PRKX: variants seen among roughly 807,000 people sequenced by gnomAD.
The protein encoded by PRKX is cAMP-dependent protein kinase catalytic subunit PRKX.
Under a neutral mutation model 22.0 loss-of-function variants are expected in PRKX, and 12 were observed. The observed-to-expected ratio is 0.54, with a 90% CI of 0.35 to 0.88. The LOEUF (loss-of-function observed/expected upper bound fraction) is 0.88. Among genes scored for constraint, PRKX ranks in the 40% least tolerant of loss-of-function variants. The pLI is 0.01. For missense variants in PRKX, 217 were observed against 308.0 expected (o/e 0.70, Z 2.21); for synonymous variants, 134 against 137.7 (o/e 0.97, Z 0.19).
chrX:3,659,869 C>G (rs1344898758), intron 2 of PRKX, among the ~76,000 whole-genome samples: 1 of 109,891 alleles, frequency 9.1e-6, no homozygotes, highest in African/African-American at 3.3e-5. Context: ...GGATTACAGG[C>G]GCATGCCACC....
chrX:3,692,240 C>T (rs1256005809), intron 1 of PRKX, among the ~76,000 whole-genome samples: 2 of 109,869 alleles, frequency 1.8e-5, no homozygotes, highest in East Asian at 5.8e-4. Context: ...TAGGGCCATC[C>T]TGTGCACTGC....
At chrX:3,662,326 C>A (rs1927612809) in intron 2 of PRKX, among the ~76,000 whole-genome samples, 1 of 111,014 alleles carries the variant, frequency 9.0e-6, no homozygotes, top group Non-Finnish European at 1.9e-5. Flanking sequence ...TTTGCGGGGC[C>A]AAGGTGGCAG....
intron 1 of PRKX, among the ~76,000 whole-genome samples, chrX:3,696,403 T>G (rs1928443393): frequency 8.9e-6 from 1 of 111,887 alleles, no homozygotes; most frequent in Non-Finnish European, 1.9e-5. Flanking sequence ...ACACCTAACT[T>G]ACGAACATCA....
At chrX:3,637,262 G>T (rs983056636) in intron 4 of PRKX, among the ~76,000 whole-genome samples, 1 of 111,614 alleles carries the variant, frequency 9.0e-6, no homozygotes, top group South Asian at 3.8e-4. Context: ...TTGTCTAAGA[G>T]GGGTGGACAA....
At chrX:3,656,523 T>C (rs17331160) in intron 2 of PRKX, among the ~76,000 whole-genome samples, 31,540 of 110,435 alleles carry the variant, frequency 0.29, 3,969 homozygotes, top group East Asian at 0.6. Flanking sequence ...TAGGTGTAGA[T>C]AGATGCTAAT....
chrX:3,634,529 G>A (rs1926848564), intron 4 of PRKX, among the ~76,000 whole-genome samples: 1 of 110,808 alleles, frequency 9.0e-6, no homozygotes, highest in South Asian at 3.9e-4. Flanking sequence ...TCTGACTCCA[G>A]TTCAGAATAG....
rs755556312 is a variant in PRKX at position 3,713,547 on chromosome X, G to T, written c.-294C>A. ...GAAGGCGGGGGCCGCGGCCCGGGCT[G>T]GGGGGGGCGAGGCGGGGGCCCTGCG... is the stretch of plus-strand genomic sequence containing the variant. On this transcript the variant is annotated 5_prime_UTR_variant, in exon 1 of 9. Coordinates refer to ENST00000262848, the MANE Select transcript of PRKX (RefSeq NM_005044.5). 6 of 190,144 alleles carry T rather than the reference G, an allele frequency of 3.2e-5. No homozygotes were observed. Among genetic ancestry groups the T allele is most frequent in the East Asian group, 9.2e-5 (1 of 10,819 alleles). The allele number at this position is 190,144 out of a possible 1,213,427, so 15.7% of individuals were successfully genotyped here.
rs752597064 is a variant in PRKX, at chrX:3,713,212, G to C, written c.42C>G (p.Ser14Arg). 9.9e-5 allele frequency: 106 copies of C among 1,073,285 alleles called. No individual in the cohort carries two copies. The highest frequency in any genetic ancestry group is 1.2e-4 in the Non-Finnish European group (101 of 838,610). 88.5% of individuals were successfully genotyped at this position (1,073,285 alleles called of 1,213,427 possible). ...PGLAQAAAAESDSRKVAEETP... is the reference protein window; with the variant it reads ...PGLAQAAAAERDSRKVAEETP... ...TCTCCTCCGCCACCTTGCGGGAGTCGCTCTCCGCCGCGGCCGCCTGGGCCA... is the reference window on the plus strand; with the variant it reads ...TCTCCTCCGCCACCTTGCGGGAGTCCCTCTCCGCCGCGGCCGCCTGGGCCA... Residue 14 changes from serine to arginine, a missense_variant, in exon 1 of 9, where the codon AGC becomes AGG. Coordinates refer to ENST00000262848, the MANE Select transcript of PRKX (RefSeq NM_005044.5).
intron 2 of PRKX, among the ~76,000 whole-genome samples, chrX:3,666,911 TAAAAAAAAAA>T (rs35951668): frequency 1.1e-4 from 7 of 65,784 alleles, no homozygotes; most frequent in East Asian, 4.4e-4. Flanking sequence ...TCATTTCTTT[TAAAAAAAAAA>T]AAAAAAAAAA....
chrX:3,711,918 G>A (rs1457316145), intron 1 of PRKX, among the ~76,000 whole-genome samples: 1 of 110,966 alleles, frequency 9.0e-6, no homozygotes, highest in Non-Finnish European at 1.9e-5. Flanking sequence ...AGGAGGGAGG[G>A]AGAGGAGAAA....
chrX:3,700,983 C>G, intron 1 of PRKX, among the ~76,000 whole-genome samples: 1 of 112,224 alleles, frequency 8.9e-6, no homozygotes, highest in Non-Finnish European at 1.9e-5. Flanking sequence ...TAAAGAAAAG[C>G]TTTAATAAAC....
chrX:3,710,804 T>G (rs1473948936), intron 1 of PRKX, among the ~76,000 whole-genome samples: 1 of 111,696 alleles, frequency 9.0e-6, no homozygotes, highest in African/African-American at 3.3e-5. Context: ...GAATTCGGAA[T>G]GAGGGCGAAA....
At chrX:3,660,670 C>G (rs370897271) in intron 2 of PRKX, among the ~76,000 whole-genome samples, 8 of 111,627 alleles carry the variant, frequency 7.2e-5, no homozygotes, top group African/African-American at 2.6e-4. Flanking sequence ...GATAATTAAC[C>G]ATGGTGGGAG....
intron 5 of PRKX, among the ~76,000 whole-genome samples, chrX:3,621,676 C>T (rs907380139): frequency 8.9e-6 from 1 of 112,225 alleles, no homozygotes; most frequent in Non-Finnish European, 1.9e-5. Context: ...AAGACATCTG[C>T]TTTCACCAAC....
intron 2 of PRKX, among the ~76,000 whole-genome samples, chrX:3,658,466 T>C (rs1364664679): frequency 9.0e-6 from 1 of 110,762 alleles, no homozygotes; most frequent in East Asian, 2.9e-4. Flanking sequence ...TTTACTGTTA[T>C]TTGTAGAGAC....
At chrX:3,653,107 C>T (rs1303155555) in intron 3 of PRKX, among the ~76,000 whole-genome samples, 2 of 111,055 alleles carry the variant, frequency 1.8e-5, no homozygotes, top group South Asian at 3.8e-4. Context: ...ATGTATGTGC[C>T]CCCCGCCAAA....
rs202062710 is a variant in PRKX, at chrX:3,689,748, C to T, written c.167-14982G>A. Among the ~76,000 whole-genome samples, 878 of 111,709 alleles carry T rather than the reference C, an allele frequency of 7.9e-3. 3 individuals carry two copies. The highest frequency in any genetic ancestry group is 0.023 in the African/African-American group (699 of 30,822). On this transcript the variant is annotated intron_variant, in intron 1 of 8. Coordinates refer to ENST00000262848, the MANE Select transcript of PRKX (RefSeq NM_005044.5). ...ATCCCAACACTTTGGGAGGCCAAGG[C>T]GGGCGGATCACAAGGTCAGGAGATC...
chrX:3,627,147 C>T (rs192749068), intron 4 of PRKX, among the ~76,000 whole-genome samples: 22 of 110,452 alleles, frequency 2.0e-4, no homozygotes, highest in Non-Finnish European at 3.4e-4. Context: ...TTTGGGAGGC[C>T]GAGGCGGGTG....
chrX:3,657,423 C>T (rs1258153664), intron 2 of PRKX, among the ~76,000 whole-genome samples: 1 of 111,531 alleles, frequency 9.0e-6, no homozygotes, highest in South Asian at 3.8e-4. Flanking sequence ...ACAGCGTCTG[C>T]AAGCCAAGGA....
Sources: allele counts gnomAD v4.1 joint callset (sites outside exome capture counted in the v4.1 genomes callset), GRCh38; gene constraint gnomAD v4.1.1; transcripts MANE v1.5; gene names NCBI Gene and HGNC (gene_info 2026-07-23, HGNC 2026-07-21).